The following KLHL22 variants were observed in gnomAD, a reference collection of about 807,000 sequenced individuals.
KLHL22 encodes kelch-like protein 22.
In KLHL22, 18 loss-of-function variants were observed where a neutral mutation model predicts 60.7. The observed-to-expected ratio is 0.30, with a 90% CI of 0.20 to 0.44. The LOEUF (loss-of-function observed/expected upper bound fraction) is 0.44, where lower values mean the gene tolerates loss of function less well. Ranked by LOEUF, KLHL22 falls within the 20% of genes least tolerant of loss-of-function variation. The pLI, the probability that KLHL22 is intolerant of heterozygous loss-of-function variation, is 1.00. For missense variants in KLHL22, 596 were observed against 852.3 expected (o/e 0.70, Z 3.74); for synonymous variants, 355 against 354.5 (o/e 1.00, Z -0.01).
At chr22:20,461,292 G>A (rs1447740032) in intron 4 of KLHL22, among the ~76,000 whole-genome samples, 2 of 152,000 alleles carry the variant, frequency 1.3e-5, no homozygotes, top group African/African-American at 2.4e-5. Flanking sequence ...GGTGGCTCAC[G>A]CCTGTAATCC....
rs370632640 is a variant in KLHL22 at position 20,465,162 on chromosome 22, C to T, written c.808G>A (p.Val270Met). 1 of 1,613,932 alleles carries T rather than the reference C, an allele frequency of 6.2e-7. No individual in the cohort carries two copies. Among genetic ancestry groups the T allele is most frequent in the Non-Finnish European group, 8.5e-7 (1 of 1,180,020 alleles). The change falls in exon 4 of 7, where the codon GTG becomes ATG. Residue 270 changes from valine (V) to methionine (M), a missense_variant. Transcript: ENST00000328879. The surrounding 1 kb of genome is among the most constrained non-coding windows in gnomAD (Gnocchi z 4.9). ...KLDPSPLRDT[V>M]ASALMYHRNE... Reference sequence around the variant, plus strand: ...CGGTGGTACATGAGGGCGCTGGCCACTGTGTCCCTCAAAGGGCTGGGGTCC... The same window carrying T: ...CGGTGGTACATGAGGGCGCTGGCCATTGTGTCCCTCAAAGGGCTGGGGTCC...
intron 5 of KLHL22, among the ~76,000 whole-genome samples, chr22:20,448,725 T>A (rs1009513852): frequency 2.0e-5 from 3 of 152,076 alleles, no homozygotes; most frequent in Non-Finnish European, 4.4e-5. Context: ...TCACCATGCC[T>A]GGCTAACGTA....
chr22:20,483,600 C>T (rs1373645370), intron 2 of KLHL22: 6 of 727,058 alleles, frequency 8.3e-6, no homozygotes, highest in Admixed American at 1.7e-5. Flanking sequence ...GCAGTTCTGT[C>T]TCATACTTGA....
intron 2 of KLHL22, among the ~76,000 whole-genome samples, chr22:20,486,277 C>A (rs776594210): frequency 6.6e-6 from 1 of 152,084 alleles, no homozygotes; most frequent in Non-Finnish European, 1.5e-5. Context: ...TGAGTCCCCA[C>A]GGTGCAGCAA....
At chr22:20,455,115 C>T (rs1423126232) in intron 5 of KLHL22, among the ~76,000 whole-genome samples, 1 of 152,194 alleles carries the variant, frequency 6.6e-6, no homozygotes, top group Non-Finnish European at 1.5e-5. Flanking sequence ...CTCCTGACCT[C>T]AGGTGATCCC....
chr22:20,466,944 C>T (rs980160680), intron 3 of KLHL22, among the ~76,000 whole-genome samples: 2 of 152,244 alleles, frequency 1.3e-5, no homozygotes, highest in South Asian at 4.1e-4. Flanking sequence ...AGGCCACAAC[C>T]AGCAGGCTGT....
intron 5 of KLHL22, among the ~76,000 whole-genome samples, chr22:20,456,844 T>C (rs949270199): frequency 2.6e-5 from 4 of 152,166 alleles, no homozygotes; most frequent in African/African-American, 9.7e-5. Flanking sequence ...TTGGGGGTCA[T>C]GAGAGATACT....
intron 2 of KLHL22, among the ~76,000 whole-genome samples, chr22:20,476,997 C>T (rs1219528346): frequency 1.3e-5 from 2 of 151,496 alleles, no homozygotes; most frequent in Admixed American, 6.6e-5. Flanking sequence ...TGAGCCACCA[C>T]GTCTGGCCGG....
At chr22:20,451,170 C>T in intron 5 of KLHL22, 1 of 1,591,408 alleles carries the variant, frequency 6.3e-7, no homozygotes, top group Non-Finnish European at 8.6e-7. Context: ...GTCTAGACTA[C>T]ACAGCAGATG....
At chr22:20,467,324 A>G (rs892591533) in intron 3 of KLHL22, among the ~76,000 whole-genome samples, 3 of 152,224 alleles carry the variant, frequency 2.0e-5, no homozygotes, top group African/African-American at 4.8e-5. Context: ...TAGAAACTCC[A>G]TACACTAACC....
rs906953612 is a variant in KLHL22 at position 20,488,823 on chromosome 22, C to A, written c.227+162G>T. On this transcript the variant is annotated intron_variant, in intron 2 of 6. Transcript: ENST00000328879. ...ACTGAATGAAAAATGAACTCTAAGACCCCCTTCTGTCTCTCACACTTGTTG... is the reference window on the plus strand; with the variant it reads ...ACTGAATGAAAAATGAACTCTAAGAACCCCTTCTGTCTCTCACACTTGTTG... The A allele has an allele frequency of 1.5e-5, 10 of 645,582 alleles. No individual in the cohort carries two copies. The Middle Eastern group carries it at 1.4e-3, about 90-fold the overall frequency. The allele number at this position is 645,582 out of a possible 1,614,324, so 40.0% of individuals were successfully genotyped here. A position where few individuals can be genotyped will look rare whatever the true frequency, so the allele number is the denominator to read the frequency against.
chr22:20,453,801 C>T (rs1215481799), intron 5 of KLHL22, among the ~76,000 whole-genome samples: 1 of 152,156 alleles, frequency 6.6e-6, no homozygotes, highest in African/African-American at 2.4e-5. Context: ...GTGGCGCAAT[C>T]TCGGCTCATT....
intron 5 of KLHL22, among the ~76,000 whole-genome samples, chr22:20,457,102 G>T (rs918515952): frequency 2.6e-5 from 4 of 152,054 alleles, no homozygotes; most frequent in Non-Finnish European, 5.9e-5. Context: ...GGCCAGCAAG[G>T]CCTGTTCCTT....
chr22:20,494,065 C>T (rs2053730348), intron 1 of KLHL22, among the ~76,000 whole-genome samples: 1 of 123,970 alleles, frequency 8.1e-6, no homozygotes, highest in Non-Finnish European at 1.7e-5. Flanking sequence ...GGCGACAGAG[C>T]CAGACTTTGC....
intron 2 of KLHL22, among the ~76,000 whole-genome samples, chr22:20,479,902 A>G (rs1357882858): frequency 2.0e-5 from 3 of 152,204 alleles, no homozygotes; most frequent in African/African-American, 7.2e-5. Flanking sequence ...TTGCACACCC[A>G]TGTTCATAGC....
At chr22:20,444,360 T>G (rs942123400) in intron 6 of KLHL22, among the ~76,000 whole-genome samples, 2 of 152,210 alleles carry the variant, frequency 1.3e-5, no homozygotes, top group South Asian at 2.1e-4. Context: ...AGAGGACTTA[T>G]GAATGCAGAA....
At chr22:20,486,159 T>G (rs1364570710) in intron 2 of KLHL22, among the ~76,000 whole-genome samples, 1 of 128,156 alleles carries the variant, frequency 7.8e-6, no homozygotes, top group Non-Finnish European at 1.6e-5. Context: ...AGAGTGAGAT[T>G]CCGTCTCAAA....
intron 2 of KLHL22, among the ~76,000 whole-genome samples, chr22:20,471,755 G>T (rs920896432): frequency 6.6e-6 from 1 of 152,292 alleles, no homozygotes; most frequent in Non-Finnish European, 1.5e-5. Flanking sequence ...TGGGCCCAAG[G>T]AGTCCCATGT....
intron 5 of KLHL22, chr22:20,450,985 G>A (rs950533325): frequency 2.9e-5 from 46 of 1,574,284 alleles, no homozygotes; most frequent in South Asian, 6.7e-5. Context: ...TGGGGGCTTC[G>A]GAAGCCAGCA....
Sources: gnomAD v4.1 joint callset for allele counts (sites outside exome capture counted in the v4.1 genomes callset) on GRCh38, gnomAD v4.1.1 for gene constraint, Gnocchi (gnomAD v3.1) non-coding constraint, MANE v1.5 for transcripts, NCBI Gene and HGNC (gene_info 2026-07-23, HGNC 2026-07-21) for gene names.